The following PTPRD variants were observed in gnomAD, a reference collection of about 807,000 sequenced individuals.
PTPRD encodes the protein receptor-type tyrosine-protein phosphatase delta.
PTPRD carries 34 observed loss-of-function variants against 214.5 expected under a neutral mutation model. The ratio of observed to expected loss-of-function variants is 0.16; its 90% CI spans 0.12 to 0.21. The LOEUF is 0.21. PTPRD is among the 10% of genes least tolerant of loss of function. PTPRD has a pLI of 1.00. For synonymous variants in PTPRD, 1,128 were observed against 845.7 expected (o/e 1.33, Z -5.79); for missense variants, 2,545 against 2,398.7 (o/e 1.06, Z -1.27).
At chr9:9,308,874 A>G (rs1025455986) in intron 9 of PTPRD, among the ~76,000 whole-genome samples, 1 of 152,150 alleles carries the variant, frequency 6.6e-6, no homozygotes, top group Non-Finnish European at 1.5e-5. Flanking sequence ...TAAGCATTAG[A>G]GACCCAAAAT....
At chr9:8,486,504 G>T in intron 27 of PTPRD, 155 bp from the exon 28 acceptor site, 1 of 757,584 alleles carries the variant, frequency 1.3e-6, no homozygotes, top group East Asian at 2.5e-5. Context: ...ATACCTTTGT[G>T]GAAATATGCT....
At chr9:8,556,371 C>A (rs1458077584) in intron 14 of PTPRD, among the ~76,000 whole-genome samples, 2 of 152,152 alleles carry the variant, frequency 1.3e-5, no homozygotes, top group Non-Finnish European at 2.9e-5. Flanking sequence ...TTCTAACAGT[C>A]TGTGACTAAA....
intron 11 of PTPRD, among the ~76,000 whole-genome samples, chr9:8,845,552 A>ATGGCACAGCCATTCACTGATAAGC (rs1298936139): frequency 1.3e-5 from 2 of 152,250 alleles, no homozygotes; most frequent in African/African-American, 4.8e-5. Context: ...CCTTACAGGC[A>ATGGCACAGCCATTCACTGATAAGC]TGGCACAGCC....
intron 2 of PTPRD, among the ~76,000 whole-genome samples, chr9:10,570,651 G>T (rs1022132270): frequency 6.6e-6 from 1 of 152,004 alleles, no homozygotes. Context: ...GCTTTCTCCA[G>T]CATTTTGCTA....
Position 8,478,616 on chromosome 9 carries a change from T to C in PTPRD, c.3413+5503A>G, listed in dbSNP as rs143954692. Among the ~76,000 whole-genome samples, 810 of 152,260 alleles carry C rather than the reference T, an allele frequency of 5.3e-3. 7 individuals are homozygous for C. The highest frequency in any genetic ancestry group is 0.018 in the African/African-American group (764 of 41,562). On this transcript the variant is annotated intron_variant, in intron 30 of 45. Coordinates refer to ENST00000381196, the MANE Select transcript of PTPRD (RefSeq NM_002839.4). ...ATTACAACTTGCTTCTGAACAACAGTAGCACTGCTAGATCTGACTGGCATT... is the reference window on the plus strand; with the variant it reads ...ATTACAACTTGCTTCTGAACAACAGCAGCACTGCTAGATCTGACTGGCATT...
intron 2 of PTPRD, among the ~76,000 whole-genome samples, chr9:10,393,116 A>G (rs939602161): frequency 6.6e-6 from 1 of 151,928 alleles, no homozygotes; most frequent in Non-Finnish European, 1.5e-5. Context: ...GTAGTGTGAC[A>G]TGCATAGTCA....
intron 9 of PTPRD, among the ~76,000 whole-genome samples, chr9:9,338,644 C>CTTTA (rs1352280087): frequency 6.6e-6 from 1 of 152,112 alleles, no homozygotes; most frequent in Non-Finnish European, 1.5e-5. Flanking sequence ...TTTTTAAAAT[C>CTTTA]TAAAGCCTTC....
intron 11 of PTPRD, among the ~76,000 whole-genome samples, chr9:8,886,004 A>G (rs572394591): frequency 9.9e-5 from 15 of 152,200 alleles, no homozygotes; most frequent in Non-Finnish European, 1.8e-4. Context: ...CAGAAGAAAA[A>G]TATTTACTAT....
chr9:10,193,229 G>A (rs1455953664), intron 3 of PTPRD, among the ~76,000 whole-genome samples: 1 of 151,474 alleles, frequency 6.6e-6, no homozygotes, highest in Non-Finnish European at 1.5e-5. Flanking sequence ...GTTTATGTAA[G>A]GTTTTACATA....
At chr9:8,431,800 GTGTCTC>G in intron 35 of PTPRD, among the ~76,000 whole-genome samples, 1 of 152,138 alleles carries the variant, frequency 6.6e-6, no homozygotes. Context: ...CAATTTTATT[GTGTCTC>G]TGCCAGGTTT....
At chr9:8,907,165 C>CA (rs2098713582) in intron 11 of PTPRD, among the ~76,000 whole-genome samples, 1 of 151,350 alleles carries the variant, frequency 6.6e-6, no homozygotes, top group Non-Finnish European at 1.5e-5. Context: ...AAATAAACAA[C>CA]AAAAAATAAT....
intron 9 of PTPRD, among the ~76,000 whole-genome samples, chr9:9,235,400 C>T (rs4742574): frequency 0.22 from 33,659 of 151,992 alleles, 4,115 homozygotes; most frequent in Middle Eastern, 0.33. Flanking sequence ...GGATTATTAC[C>T]CTTTGTCCAA....
At chr9:8,619,137 T>C (rs932878084) in intron 14 of PTPRD, among the ~76,000 whole-genome samples, 1 of 151,988 alleles carries the variant, frequency 6.6e-6, no homozygotes, top group South Asian at 2.1e-4. Flanking sequence ...TATGTATACA[T>C]TGTGAAATAG....
chr9:8,528,694 A>T lies in PTPRD; in HGVS notation c.438T>A (p.Leu146=). The change falls in exon 15 of 46, where the codon CTT becomes CTA. Residue 146 remains leucine (L), a synonymous_variant. Transcript: ENST00000381196. The part of the protein sequence containing the change: ...VVERTRTATM[L]CAASGNPDPE... ...GATCCGGATTACCACTGGCTGCACA[A>T]AGCATGGTGGCCGTGCGAGTACGCT... 1 of 1,613,718 alleles carries T rather than the reference A, an allele frequency of 6.2e-7. No individual in the cohort carries two copies. The highest frequency in any genetic ancestry group is 2.2e-5 in the East Asian group (1 of 44,852).
At position 9,595,529 on chromosome 9, in the gene PTPRD, C is replaced by T. The variant is rs186006867; in HGVS notation, c.-286-20748G>A. On this transcript the variant is annotated intron_variant, in intron 7 of 45. Coordinates refer to ENST00000381196, the MANE Select transcript of PTPRD (RefSeq NM_002839.4). Reference sequence around the variant, plus strand: ...ACACATATGCATACATATATACACACGTATGCATATGTATGTGTGTTTGTG... The same window carrying T: ...ACACATATGCATACATATATACACATGTATGCATATGTATGTGTGTTTGTG... Among the ~76,000 whole-genome samples, 4 of 136,884 alleles carry T rather than the reference C, an allele frequency of 2.9e-5. No individual in the cohort carries two copies. The East Asian group carries it at 6.5e-4, about 22-fold the overall frequency. 89.8% of individuals were successfully genotyped at this position (136,884 alleles called of 152,430 possible).
At chr9:9,342,195 A>C (rs888349537) in intron 9 of PTPRD, among the ~76,000 whole-genome samples, 2 of 152,186 alleles carry the variant, frequency 1.3e-5, no homozygotes, top group African/African-American at 4.8e-5. Flanking sequence ...AGATTGACAG[A>C]TGTTGTGGTC....
chr9:10,342,127 T>A (rs1465115146), intron 2 of PTPRD, among the ~76,000 whole-genome samples: 2 of 152,044 alleles, frequency 1.3e-5, no homozygotes, highest in African/African-American at 4.8e-5. Context: ...AGTATCAATC[T>A]GATTCATAAG....
intron 3 of PTPRD, among the ~76,000 whole-genome samples, chr9:10,248,081 G>C (rs1444839458): frequency 2.6e-5 from 4 of 152,018 alleles, no homozygotes; most frequent in Non-Finnish European, 5.9e-5. Context: ...TTCACTTTCT[G>C]CCATGATTAG....
chr9:10,525,781 T>A (rs1017331353), intron 2 of PTPRD, among the ~76,000 whole-genome samples: 1 of 146,020 alleles, frequency 6.8e-6, no homozygotes, highest in South Asian at 2.1e-4. Flanking sequence ...AACTGATACA[T>A]TGAAGAATCC....
Sources: gnomAD v4.1 joint callset for allele counts (sites outside exome capture counted in the v4.1 genomes callset) on GRCh38, gnomAD v4.1.1 for gene constraint, MANE v1.5 for transcripts, NCBI Gene and HGNC (gene_info 2026-07-23, HGNC 2026-07-21) for gene names.